The following MAP3K7CL variants were observed in gnomAD, a reference collection of about 807,000 sequenced individuals.
The protein encoded by MAP3K7CL is MAP3K7 C-terminal-like protein.
In MAP3K7CL, 16 loss-of-function variants were observed where a neutral mutation model predicts 18.6. The ratio of observed to expected loss-of-function variants is 0.86; its 90% CI spans 0.58 to 1.31. The LOEUF (loss-of-function observed/expected upper bound fraction) is 1.31, where lower values mean the gene tolerates loss of function less well. Among genes scored for constraint, MAP3K7CL ranks in the 50% most tolerant of loss-of-function variants. The pLI, the probability that MAP3K7CL is intolerant of heterozygous loss-of-function variation, is 0.00. For synonymous variants in MAP3K7CL, 65 were observed against 66.8 expected (o/e 0.97, Z 0.13); for missense variants, 163 against 174.4 (o/e 0.93, Z 0.37).
chr21:29,097,579 A>G (rs2086145487), intron 4 of MAP3K7CL, among the ~76,000 whole-genome samples: 1 of 152,094 alleles, frequency 6.6e-6, no homozygotes, highest in African/African-American at 2.4e-5. Flanking sequence ...CAGATTTGCT[A>G]CATAGTCTCC....
rs546689238 is a variant in MAP3K7CL, at chr21:29,165,982, C to T, written c.248+5926C>T. ...TCAGTGTAATTAGCGTATTCATCTCCTCAAACATTTGTCATATCTTTGTGG... is the reference window on the plus strand; with the variant it reads ...TCAGTGTAATTAGCGTATTCATCTCTTCAAACATTTGTCATATCTTTGTGG... On this transcript the variant is annotated intron_variant, in intron 4 of 4. Transcript: ENST00000399928. 2.0e-5 allele frequency among the ~76,000 whole-genome samples: 3 copies of T among 152,306 alleles called. No homozygotes were observed. In the East Asian group the frequency reaches 5.8e-4, roughly 29 times the overall value.
chr21:29,091,361 T>G (rs1259056835), intron 1 of MAP3K7CL: 2 of 542,804 alleles, frequency 3.7e-6, no homozygotes, highest in Admixed American at 3.7e-5. Context: ...AAATAGAATG[T>G]TTTTAGCCAG....
intron 4 of MAP3K7CL, among the ~76,000 whole-genome samples, chr21:29,123,394 A>C (rs955710090): frequency 6.6e-5 from 10 of 152,128 alleles, no homozygotes; most frequent in Admixed American, 2.0e-4. Flanking sequence ...TTCGCTGTCT[A>C]TGAAGTAGTC....
intron 2 of MAP3K7CL, among the ~76,000 whole-genome samples, chr21:29,143,781 C>G (rs2087061998): frequency 6.6e-6 from 1 of 152,058 alleles, no homozygotes; most frequent in Non-Finnish European, 1.5e-5. Flanking sequence ...CCAGTTATGT[C>G]TACGATGGGG....
In MAP3K7CL at chr21:29,114,053, T is replaced by TAATTA. The variant is rs919708366; in HGVS notation, c.370+21486_370+21490dup. On this transcript the variant is annotated intron_variant, in intron 4 of 6. Transcript: ENST00000286791. Reference sequence around the variant, plus strand: ...AATAAAAGGAGAGTTTTATTCTAATTAATTAAATTAAATTAAATAATTTAC... The same window carrying TAATTA: ...AATAAAAGGAGAGTTTTATTCTAATTAATTAAATTAAATTAAATTAAATAATTTAC... Among the ~76,000 whole-genome samples, 3 of 152,192 alleles carry TAATTA rather than the reference T, an allele frequency of 2.0e-5. No individual in the cohort carries two copies. In the East Asian group the frequency reaches 5.8e-4, roughly 29 times the overall value.
chr21:29,136,257 A>T (rs542791289), intron 2 of MAP3K7CL, among the ~76,000 whole-genome samples: 1 of 152,320 alleles, frequency 6.6e-6, no homozygotes, highest in South Asian at 2.1e-4. Flanking sequence ...AATAAGGAAC[A>T]TGTGGAGTGT....
intron 2 of MAP3K7CL, among the ~76,000 whole-genome samples, chr21:29,134,604 T>G (rs534930832): frequency 1.3e-5 from 2 of 152,324 alleles, no homozygotes; most frequent in African/African-American, 4.8e-5. Context: ...GCCGTTGTAC[T>G]GTGTCCTCAC....
At chr21:29,122,325 G>A (rs2086608641) in intron 4 of MAP3K7CL, 1 of 152,212 alleles carries the variant, frequency 6.6e-6, no homozygotes, top group Admixed American at 6.5e-5. Context: ...GGAGCCCTGA[G>A]GGCATGTATT....
upstream of MAP3K7CL, among the ~76,000 whole-genome samples, chr21:29,083,376 T>C (rs1458792876): frequency 2.0e-5 from 3 of 152,238 alleles, no homozygotes; most frequent in Non-Finnish European, 4.4e-5. Context: ...TTTGGAGGAC[T>C]GAGTTTGATA....
intron 3 of MAP3K7CL, among the ~76,000 whole-genome samples, chr21:29,155,931 C>T (rs1206912177): frequency 6.6e-6 from 1 of 152,198 alleles, no homozygotes; most frequent in Non-Finnish European, 1.5e-5. Flanking sequence ...AAACCAGATA[C>T]GATGGCAGGG....
chr21:29,170,631 C>A (rs202130548), intron 4 of MAP3K7CL, among the ~76,000 whole-genome samples: 1 of 136,906 alleles, frequency 7.3e-6, no homozygotes, highest in Non-Finnish European at 1.7e-5. Context: ...GTCTCTCTCT[C>A]TTTCTCTTTT....
At chr21:29,166,332 A>G (rs557513583) in intron 4 of MAP3K7CL, among the ~76,000 whole-genome samples, 46 of 152,340 alleles carry the variant, frequency 3.0e-4, no homozygotes, top group African/African-American at 1.1e-3. Context: ...TGCAAATGAC[A>G]GGATTTCATT....
At chr21:29,116,929 G>T (rs1012052322) in intron 4 of MAP3K7CL, among the ~76,000 whole-genome samples, 5 of 152,082 alleles carry the variant, frequency 3.3e-5, no homozygotes, top group Admixed American at 6.5e-5. Flanking sequence ...GCCATAAAGG[G>T]CCCTGCAGAA....
chr21:29,168,588 A>G (rs1601280500), intron 4 of MAP3K7CL, among the ~76,000 whole-genome samples: 1 of 152,312 alleles, frequency 6.6e-6, no homozygotes, highest in Admixed American at 6.5e-5. Flanking sequence ...TGGGTATTTT[A>G]CACCACATAA....
rs182597589 is a variant in MAP3K7CL at position 29,130,693 on chromosome 21, A to G, written c.-270A>G. On this transcript the variant is annotated 5_prime_UTR_variant, in exon 1 of 5. Transcript: ENST00000399928. The stretch of plus-strand genomic sequence containing the variant: ...GCAAGGAAAGGAGAGAGGGGTTGTG[A>G]AGGGAAGCGGAAGGGAAGGGAAGGG... 25 of 985,536 alleles carry G rather than the reference A, an allele frequency of 2.5e-5. No individual in the cohort carries two copies. The East Asian group carries it at 2.8e-3, about 112-fold the overall frequency. 61.0% of individuals were successfully genotyped at this position (985,536 alleles called of 1,614,324 possible).
chr21:29,135,069 AC>A (rs763850052), intron 2 of MAP3K7CL, among the ~76,000 whole-genome samples: 2,960 of 150,886 alleles, frequency 0.02, 67 homozygotes, highest in Middle Eastern at 0.05. Context: ...AACAAAAAAA[AC>A]AAAAAACAAA....
chr21:29,148,689 G>A (rs2087200942), intron 2 of MAP3K7CL, among the ~76,000 whole-genome samples: 1 of 152,162 alleles, frequency 6.6e-6, no homozygotes, highest in African/African-American at 2.4e-5. Flanking sequence ...AACCCAGAAT[G>A]AGTTTCTGGT....
At chr21:29,129,817 A>T (rs1285418525), upstream of MAP3K7CL, among the ~76,000 whole-genome samples, 4 of 152,220 alleles carry the variant, frequency 2.6e-5, no homozygotes, top group Non-Finnish European at 5.9e-5. Context: ...CCAACATTTG[A>T]TGTTGTCAGT....
At chr21:29,092,522 T>C in exon 4 of MAP3K7CL, 1 of 1,614,234 alleles carries the variant, frequency 6.2e-7, no homozygotes. Flanking sequence ...GGCGATTGGA[T>C]GCTCACTCTG....
Sources: gnomAD v4.1 joint callset for allele counts (sites outside exome capture counted in the v4.1 genomes callset) on GRCh38, gnomAD v4.1.1 for gene constraint, MANE v1.5 for transcripts, NCBI Gene and HGNC (gene_info 2026-07-23, HGNC 2026-07-21) for gene names.